UBE4A: variants seen among roughly 807,000 people sequenced by gnomAD.
UBE4A encodes the protein ubiquitination factor E4A, also known as ubiquitin conjugation factor E4 A.
UBE4A carries 48 observed loss-of-function variants against 117.9 expected under a neutral mutation model. The ratio of observed to expected loss-of-function variants is 0.41; its 90% CI spans 0.32 to 0.52. The LOEUF (loss-of-function observed/expected upper bound fraction) is 0.52, where lower values mean the gene tolerates loss of function less well. Ranked by LOEUF, UBE4A falls within the 20% of genes least tolerant of loss-of-function variation. The probability of loss-of-function intolerance (pLI) is 0.33; values close to 1 mark genes in which losing one functional copy is unlikely to be tolerated. For missense variants in UBE4A, 1,067 were observed against 1,296.3 expected (o/e 0.82, Z 2.72); for synonymous variants, 407 against 450.0 (o/e 0.90, Z 1.21).
rs782583742 is a variant in UBE4A, at chr11:118,375,099, T to C, written c.1320T>C (p.Ala440=). Residue 440 remains alanine, a synonymous_variant, in exon 9 of 20, where the codon GCT becomes GCC. Coordinates refer to ENST00000252108, the MANE Select transcript of UBE4A (RefSeq NM_001204077.2). ...ASDAFFLNLG[A]ALLKLCQPFC... is the part of the protein sequence containing the mutation. The stretch of plus-strand genomic sequence containing the variant: ...ATGCTTTCTTTCTGAATCTGGGTGC[T>C]GCTCTCCTGAAGCTATGCCAGCCAT... 6.2e-7 allele frequency: 1 copy of C among 1,614,254 alleles called. No homozygotes were observed. Among genetic ancestry groups the C allele is most frequent in the Non-Finnish European group, 8.5e-7 (1 of 1,180,044 alleles).
intron 11 of UBE4A, among the ~76,000 whole-genome samples, chr11:118,380,730 G>A (rs1948698065): frequency 6.6e-6 from 1 of 152,174 alleles, no homozygotes; most frequent in African/African-American, 2.4e-5. Flanking sequence ...TAGGGCTGGA[G>A]GATCCACTTA....
In UBE4A at chr11:118,386,418, C is replaced by T. The variant is rs199578852; in HGVS notation, c.2413-20C>T. 1,450 of 1,593,848 alleles carry T rather than the reference C, an allele frequency of 9.1e-4. 1 individual carries two copies. The highest frequency in any genetic ancestry group is 1.1e-3 in the Non-Finnish European group (1,309 of 1,173,616). ...ACTGCACCTTTCTTCTCTGATATAT[C>T]CCATCTCTGGTTTCTGCAGTATTTG... On this transcript the variant is annotated intron_variant, in intron 15 of 19. Coordinates refer to ENST00000252108, the MANE Select transcript of UBE4A (RefSeq NM_001204077.2).
intron 18 of UBE4A, 132 bp from the exon 19 acceptor site, chr11:118,392,606 G>A: frequency 2.5e-6 from 2 of 786,926 alleles, no homozygotes; most frequent in Non-Finnish European, 1.9e-6. Context: ...GCTCACGTGT[G>A]TCACTGTCAC....
In UBE4A at chr11:118,392,818, A is replaced by C. The variant is rs1555128827; in HGVS notation, c.2997A>C (p.Thr999=). The C allele has an allele frequency of 2.5e-6, 4 of 1,614,104 alleles. No individual in the cohort carries two copies. The highest frequency in any genetic ancestry group is 3.4e-6 in the Non-Finnish European group (4 of 1,180,002). ...CDEFLDPIMS[T]LMCDPVVLPS... is the part of the protein sequence containing the mutation. ...AGTTCCTGGATCCCATTATGAGCACACTGATGTGTGACCCTGTGGTGCTGC... is the reference window on the plus strand; with the variant it reads ...AGTTCCTGGATCCCATTATGAGCACCCTGATGTGTGACCCTGTGGTGCTGC... The change falls in exon 19 of 20, where the codon ACA becomes ACC. Residue 999 remains threonine, a synonymous_variant. Coordinates refer to ENST00000252108, the MANE Select transcript of UBE4A (RefSeq NM_001204077.2).
At chr11:118,374,776 A>G (rs1179579641) in intron 8 of UBE4A, 120 bp from the exon 9 acceptor site, 9 of 929,064 alleles carry the variant, frequency 9.7e-6, no homozygotes, top group Admixed American at 6.8e-5. Context: ...GATGAGGCAC[A>G]GAGAGTGAGG....
chr11:118,381,039 G>A (rs1779175146), intron 11 of UBE4A, among the ~76,000 whole-genome samples: 1 of 152,116 alleles, frequency 6.6e-6, no homozygotes, highest in South Asian at 2.1e-4. Flanking sequence ...GGACCATCCT[G>A]GAGTCTGGCT....
intron 16 of UBE4A, among the ~76,000 whole-genome samples, chr11:118,388,905 A>T (rs1948785436): frequency 6.6e-6 from 1 of 152,102 alleles, no homozygotes; most frequent in South Asian, 2.1e-4. Flanking sequence ...GGAAGTTGAG[A>T]CTGCCTTGAA....
chr11:118,360,328 GT>G (rs1257104786), intron 1 of UBE4A, among the ~76,000 whole-genome samples: 1 of 152,140 alleles, frequency 6.6e-6, no homozygotes, highest in Admixed American at 6.5e-5. Context: ...GTCATTTACT[GT>G]TTTGGTCTCA....
At position 118,389,964 on chromosome 11, in the gene UBE4A, A is replaced by G. The variant is rs1304193333; in HGVS notation, c.2768+59A>G. The G allele has an allele frequency of 6.2e-6, 9 of 1,441,734 alleles. No homozygotes were observed. The Admixed American group carries it at 1.3e-4, about 20-fold the overall frequency. The allele number at this position is 1,441,734 out of a possible 1,614,324, so 89.3% of individuals were successfully genotyped here. On this transcript the variant is annotated intron_variant, in intron 17 of 19. Transcript: ENST00000252108. ...GATGCTGTTTTGATTTAGGGTTTTG[A>G]TAGTAGAATGACTGGTTGGTAATTA...
At chr11:118,379,422 T>A (rs1555125889) in intron 10 of UBE4A, 24 bp from the exon 11 acceptor site, 1 of 1,603,168 alleles carries the variant, frequency 6.2e-7, no homozygotes, top group African/African-American at 1.3e-5. Flanking sequence ...CCTGACCCAG[T>A]CTCTTCTGCT....
intron 18 of UBE4A, among the ~76,000 whole-genome samples, chr11:118,392,216 C>CT (rs1948825925): frequency 1.3e-5 from 2 of 152,266 alleles, no homozygotes; most frequent in Admixed American, 1.3e-4. Flanking sequence ...TGGACTTCAT[C>CT]TTTGTTTAGA....
chr11:118,396,222 T>C, intron 19 of UBE4A, 92 bp from the exon 20 acceptor site: 1 of 1,496,208 alleles, frequency 6.7e-7, no homozygotes, highest in Non-Finnish European at 8.9e-7. Context: ...CTGGCTTCAT[T>C]CTTAAGATGC....
At chr11:118,395,781 T>C (rs1591311892) in intron 19 of UBE4A, among the ~76,000 whole-genome samples, 2 of 152,286 alleles carry the variant, frequency 1.3e-5, no homozygotes, top group Middle Eastern at 6.8e-3. Context: ...CAAAGTTTAT[T>C]AAGAAATAGA....
chr11:118,377,840 G>A (rs1948666748), intron 10 of UBE4A, among the ~76,000 whole-genome samples: 1 of 151,276 alleles, frequency 6.6e-6, no homozygotes, highest in Non-Finnish European at 1.5e-5. Flanking sequence ...TTGAGCCTGG[G>A]ATGTTGAGAC....
At chr11:118,361,210 G>T (rs902750752) in intron 1 of UBE4A, among the ~76,000 whole-genome samples, 5 of 151,884 alleles carry the variant, frequency 3.3e-5, no homozygotes, top group Admixed American at 3.3e-4. Context: ...AGTGGAGACG[G>T]GGTTTCACCA....
At chr11:118,390,484 AATAAAATAATATTTATATATTAT>A (rs1555128155) in intron 17 of UBE4A, among the ~76,000 whole-genome samples, 150 bp from the exon 18 acceptor site, 3 of 145,422 alleles carry the variant, frequency 2.1e-5, no homozygotes, top group East Asian at 2.0e-4. Flanking sequence ...AATAATAAAT[AATAAAATAATATTTATATATTAT>A]AAATAATATA....
chr11:118,367,405 G>T (rs887625264), intron 2 of UBE4A, among the ~76,000 whole-genome samples: 1 of 151,166 alleles, frequency 6.6e-6, no homozygotes, highest in South Asian at 2.1e-4. Flanking sequence ...CCATTAAATT[G>T]TTTTTTTACC....
At chr11:118,389,619 A>G (rs924396301) in intron 16 of UBE4A, 106 bp from the exon 17 acceptor site, 5 of 1,087,818 alleles carry the variant, frequency 4.6e-6, no homozygotes, top group Non-Finnish European at 4.9e-6. Context: ...CAAAATGTTT[A>G]GAAATAAAAT....
chr11:118,390,500 T>C (rs1021816998), intron 17 of UBE4A, among the ~76,000 whole-genome samples, 157 bp from the exon 18 acceptor site: 13 of 102,020 alleles, frequency 1.3e-4, no homozygotes, highest in African/African-American at 3.5e-4. Context: ...ATAATATTTA[T>C]ATATTATAAA....
Sources: gnomAD v4.1 joint callset for allele counts (sites outside exome capture counted in the v4.1 genomes callset) on GRCh38, gnomAD v4.1.1 for gene constraint, MANE v1.5 for transcripts, NCBI Gene and HGNC (gene_info 2026-07-23, HGNC 2026-07-21) for gene names.